Variants in TBC1D32 observed in about 807,000 individuals in gnomAD.
TBC1D32 encodes protein broad-minded.
Under a neutral mutation model 170.3 loss-of-function variants are expected in TBC1D32, and 151 were observed. The ratio of observed to expected loss-of-function variants is 0.89; its 90% CI spans 0.78 to 1.01. The LOEUF is 1.01. Ranked by LOEUF, TBC1D32 falls within the 50% of genes least tolerant of loss-of-function variation. TBC1D32 has a pLI of 0.00. For synonymous variants in TBC1D32, 498 were observed against 488.0 expected (o/e 1.02, Z -0.27); for missense variants, 1,464 against 1,457.1 (o/e 1.00, Z -0.08).
At chr6:121,107,864 G>A (rs1778841810) in intron 29 of TBC1D32, among the ~76,000 whole-genome samples, 1 of 151,902 alleles carries the variant, frequency 6.6e-6, no homozygotes, top group Admixed American at 6.6e-5. Context: ...AAGAGATAAA[G>A]ACAATAGATT....
intron 24 of TBC1D32, among the ~76,000 whole-genome samples, chr6:121,137,068 C>A (rs991401828): frequency 1.3e-5 from 2 of 152,020 alleles, no homozygotes; most frequent in Admixed American, 1.3e-4. Flanking sequence ...TTAAAATCCT[C>A]ATTAATATGT....
chr6:121,109,643 T>A (rs1779017737), intron 29 of TBC1D32, among the ~76,000 whole-genome samples: 3 of 152,136 alleles, frequency 2.0e-5, no homozygotes, highest in Admixed American at 1.3e-4. Context: ...TTTACAAAGT[T>A]TTTTTCTTAG....
chr6:121,300,239 C>T (rs1182276830), intron 9 of TBC1D32, among the ~76,000 whole-genome samples: 1 of 151,884 alleles, frequency 6.6e-6, no homozygotes, highest in Non-Finnish European at 1.5e-5. Context: ...GTCAGGAGTT[C>T]GAGTATGGTC....
chr6:121,195,236 G>A (rs984766630), intron 22 of TBC1D32, among the ~76,000 whole-genome samples: 1 of 152,160 alleles, frequency 6.6e-6, no homozygotes, highest in Admixed American at 6.5e-5. Context: ...CTGCCACTTG[G>A]GCCATATGAT....
intron 11 of TBC1D32, 122 bp from the exon 12 acceptor site, chr6:121,292,315 A>C: frequency 1.0e-6 from 1 of 960,514 alleles, no homozygotes; most frequent in South Asian, 2.0e-5. Flanking sequence ...ACTGGTCAAA[A>C]ATTTTTTAAT....
intron 29 of TBC1D32, 31 bp downstream of exon 29, chr6:121,112,474 A>G (rs752197688): frequency 1.3e-5 from 20 of 1,558,602 alleles, no homozygotes; most frequent in Admixed American, 7.7e-5. Flanking sequence ...AAAATTTCAA[A>G]CCCTCCTTTA....
chr6:121,184,185 T>C (rs975999091), intron 22 of TBC1D32, among the ~76,000 whole-genome samples: 1 of 151,990 alleles, frequency 6.6e-6, no homozygotes, highest in African/African-American at 2.4e-5. Context: ...TTTATCAAAA[T>C]TTGGTCTAGG....
intron 30 of TBC1D32, among the ~76,000 whole-genome samples, chr6:121,093,473 T>C (rs1777050520): frequency 6.6e-6 from 1 of 152,132 alleles, no homozygotes; most frequent in Non-Finnish European, 1.5e-5. Context: ...CTAGAGTCTC[T>C]GGATGGATAA....
intron 3 of TBC1D32, among the ~76,000 whole-genome samples, chr6:121,313,470 C>G (rs1808531534): frequency 6.6e-6 from 1 of 151,636 alleles, no homozygotes; most frequent in Admixed American, 6.6e-5. Flanking sequence ...TTTTACCAAA[C>G]AAACAAGCCA....
intron 25 of TBC1D32, among the ~76,000 whole-genome samples, chr6:121,127,243 C>G (rs1483165232): frequency 6.6e-6 from 1 of 152,122 alleles, no homozygotes; most frequent in African/African-American, 2.4e-5. Flanking sequence ...ATTCCACAAA[C>G]AAGTACATTT....
intron 19 of TBC1D32, among the ~76,000 whole-genome samples, chr6:121,239,716 T>G (rs1036343225): frequency 6.6e-6 from 1 of 152,100 alleles, no homozygotes; most frequent in Non-Finnish European, 1.5e-5. Flanking sequence ...AACTTTTGCT[T>G]CAACCCAGTC....
At chr6:121,215,016 A>G (rs6935039) in intron 21 of TBC1D32, among the ~76,000 whole-genome samples, 134,436 of 152,200 alleles carry the variant, frequency 0.88, 59,834 homozygotes, top group East Asian at 0.98. Context: ...TCTCCTCTCC[A>G]CAGGCAGGTC....
chr6:121,139,783 G>A (rs1427454696), intron 24 of TBC1D32: 1 of 152,096 alleles, frequency 6.6e-6, no homozygotes, highest in East Asian at 1.9e-4. Flanking sequence ...CTCACTGAAC[G>A]CTGCATAGCT....
Position 121,256,151 on chromosome 6 carries a change from G to C in TBC1D32, c.1868C>G (p.Thr623Arg), listed in dbSNP as rs1260558575. The C allele has an allele frequency of 1.2e-6, 2 of 1,613,746 alleles. No individual in the cohort carries two copies. Among genetic ancestry groups the C allele is most frequent in the Non-Finnish European group, 1.7e-6 (2 of 1,179,736 alleles). The change falls in exon 16 of 32, where the codon ACA becomes AGA. Residue 623 changes from threonine to arginine, a missense_variant. Thr to Arg is a moderately conservative substitution (Grantham distance 71, BLOSUM62 -1). Coordinates refer to ENST00000398212, the MANE Select transcript of TBC1D32 (RefSeq NM_152730.6). ...FISVCRHIYS[T>R]CEGLQVLITY... ...GATTAACACCTGCAAACCTTCACATGTACTATATATGTGACGACACACAGA... is the reference window on the plus strand; with the variant it reads ...GATTAACACCTGCAAACCTTCACATCTACTATATATGTGACGACACACAGA...
chr6:121,278,783 A>G (rs564840568), intron 15 of TBC1D32, among the ~76,000 whole-genome samples: 11 of 152,270 alleles, frequency 7.2e-5, no homozygotes, highest in African/African-American at 2.2e-4. Context: ...AAGTGTAAAC[A>G]CAAAAATATT....
rs768352970 is a variant in TBC1D32, at chr6:121,279,243, T to C, written c.1611A>G (p.Ala537=). ...AAGCTGTCTCAGAGCAATTTGGAGA[T>C]GCCTGTACATTAAAAAGAAAACAAG... is the stretch of plus-strand genomic sequence containing the variant. ...PIHNLMKGNE[A]SPNCSETALI... The change falls in exon 15 of 32, where the codon GCA becomes GCG. Residue 537 remains alanine, a splice_region_variant and synonymous_variant. Coordinates refer to ENST00000398212, the MANE Select transcript of TBC1D32 (RefSeq NM_152730.6). The C allele has an allele frequency of 3.1e-6, 5 of 1,600,886 alleles. No homozygotes were observed. The highest frequency in any genetic ancestry group is 1.4e-5 in the African/African-American group (1 of 74,038).
chr6:121,205,020 C>A (rs1206597146), intron 22 of TBC1D32, 55 bp downstream of exon 22: 3 of 1,057,428 alleles, frequency 2.8e-6, no homozygotes, highest in African/African-American at 3.3e-5. Flanking sequence ...AGGACAAATG[C>A]TTATTTTTTG....
chr6:121,281,534 T>C lies in TBC1D32; in HGVS notation c.1608+10A>G, dbSNP rs1040499007. 1.3e-6 allele frequency: 2 copies of C among 1,599,890 alleles called. No individual in the cohort carries two copies. The highest frequency in any genetic ancestry group is 1.7e-6 in the Non-Finnish European group (2 of 1,172,810). On this transcript the variant is annotated intron_variant, in intron 14 of 31. Coordinates refer to ENST00000398212, the MANE Select transcript of TBC1D32 (RefSeq NM_152730.6). ...AGAGACTCTTTTTCTCCTTAGTAAA[T>C]AATACGAACCTCATTTCCTTTCATT...
rs546363081 is a variant in TBC1D32 at position 121,098,305 on chromosome 6, A to G, written c.3466-7264T>C. ...AAATAGGTATGATTTATAAATGATA[A>G]AGTTTTCTGATTCAAAGACACTATT... is the stretch of plus-strand genomic sequence containing the variant. On this transcript the variant is annotated intron_variant, in intron 30 of 31. Coordinates refer to ENST00000398212, the MANE Select transcript of TBC1D32 (RefSeq NM_152730.6). Among the ~76,000 whole-genome samples the G allele has an allele frequency of 1.1e-3, 174 of 152,014 alleles. 1 individual carries two copies. Among genetic ancestry groups the G allele is most frequent in the Non-Finnish European group, 2.1e-3 (140 of 67,926 alleles).
Sources: allele counts gnomAD v4.1 joint callset (sites outside exome capture counted in the v4.1 genomes callset), GRCh38; gene constraint gnomAD v4.1.1; transcripts MANE v1.5; gene names NCBI Gene and HGNC (gene_info 2026-07-23, HGNC 2026-07-21).